IKBKB-DT: variants seen among roughly 807,000 people sequenced by gnomAD.
The protein encoded by IKBKB-DT is IKBKB divergent transcript.
intron 2 of IKBKB-DT, among the ~76,000 whole-genome samples, chr8:42,264,054 C>T (rs796509349): frequency 9.2e-5 from 14 of 151,840 alleles, no homozygotes; most frequent in African/African-American, 3.4e-4. Flanking sequence ...TCAGGTGATC[C>T]ACCTGCCTTG....
chr8:42,251,042 C>T (rs2976691), intron 3 of IKBKB-DT, among the ~76,000 whole-genome samples: 1 of 116,850 alleles, frequency 8.6e-6, no homozygotes, highest in East Asian at 1.9e-4. Flanking sequence ...GTCAGGAGCT[C>T]GAGACCAGCC....
chr8:42,245,575 G>T (rs1385917930), intron 3 of IKBKB-DT, among the ~76,000 whole-genome samples: 1 of 152,182 alleles, frequency 6.6e-6, no homozygotes, highest in Non-Finnish European at 1.5e-5. Context: ...AACACACTTG[G>T]CATGCATTTG....
At chr8:42,269,056 T>C (rs1210236337) in intron 1 of IKBKB-DT, among the ~76,000 whole-genome samples, 1 of 151,850 alleles carries the variant, frequency 6.6e-6, no homozygotes, top group African/African-American at 2.4e-5. Flanking sequence ...GGCTCACACC[T>C]GTAATCCCAG....
chr8:42,251,293 G>A (rs983575535), intron 3 of IKBKB-DT, among the ~76,000 whole-genome samples: 20 of 152,196 alleles, frequency 1.3e-4, no homozygotes, highest in Non-Finnish European at 1.8e-4. Context: ...CATTTGGGTC[G>A]TCTCTACTGC....
At chr8:42,234,684 C>T (rs1385792900) in intron 3 of IKBKB-DT, among the ~76,000 whole-genome samples, 1 of 151,970 alleles carries the variant, frequency 6.6e-6, no homozygotes, top group African/African-American at 2.4e-5. Context: ...GGCTGGAGTG[C>T]AGTGGTGCAA....
chr8:42,271,096 G>C (rs1219929953), exon 1 of IKBKB-DT: 1 of 426,550 alleles, frequency 2.3e-6, no homozygotes, highest in African/African-American at 2.1e-5. Context: ...GGGTGTAACG[G>C]GGGTCATTTC....
At chr8:42,248,888 A>T (rs1275407885) in intron 3 of IKBKB-DT, among the ~76,000 whole-genome samples, 2 of 151,200 alleles carry the variant, frequency 1.3e-5, no homozygotes, top group Middle Eastern at 3.4e-3. Context: ...AAAAAAAAAC[A>T]AATATCCCCT....
chr8:42,246,603 G>A (rs1043524292), intron 3 of IKBKB-DT, among the ~76,000 whole-genome samples: 1 of 152,198 alleles, frequency 6.6e-6, no homozygotes. Flanking sequence ...TACGATATCA[G>A]TAAACATCTA....
chr8:42,258,808 C>T (rs1021472884), intron 3 of IKBKB-DT, among the ~76,000 whole-genome samples: 1 of 151,878 alleles, frequency 6.6e-6, no homozygotes, highest in Non-Finnish European at 1.5e-5. Context: ...ATCCTATTTT[C>T]CTTGCATACA....
intron 3 of IKBKB-DT, among the ~76,000 whole-genome samples, chr8:42,237,398 C>T (rs1198000584): frequency 2.6e-5 from 4 of 152,030 alleles, no homozygotes; most frequent in African/African-American, 9.7e-5. Flanking sequence ...GTCTTATGAT[C>T]TCTATTTTAA....
rs59420104 is a variant in IKBKB-DT at position 42,251,828 on chromosome 8, C to CAAAAAAAAAA, written n.1529+11491_1529+11500dup. ...TAGGCAATAGAGCAAGACTCCATCT[C>CAAAAAAAAAA]AAAAAAAAAAAAAAAGAAAAGAAAA... is the stretch of plus-strand genomic sequence containing the variant. On this transcript the variant is annotated intron_variant and non_coding_transcript_variant, in intron 3 of 3. Transcript: ENST00000518213. Among the ~76,000 whole-genome samples the CAAAAAAAAAA allele has an allele frequency of 4.5e-3, 412 of 91,378 alleles. 17 individuals carry two copies. Among genetic ancestry groups the CAAAAAAAAAA allele is most frequent in the African/African-American group, 0.016 (399 of 25,714 alleles). 59.9% of individuals were successfully genotyped at this position (91,378 alleles called of 152,430 possible). A position where few individuals can be genotyped will look rare whatever the true frequency, so the allele number is the denominator to read the frequency against.
chr8:42,238,419 C>T (rs931233808), intron 3 of IKBKB-DT, among the ~76,000 whole-genome samples: 1 of 152,152 alleles, frequency 6.6e-6, no homozygotes, highest in Non-Finnish European at 1.5e-5. Context: ...AATAGCCCCT[C>T]CATAAAACTG....
At chr8:42,241,601 A>T (rs567539992) in intron 3 of IKBKB-DT, among the ~76,000 whole-genome samples, 1 of 152,314 alleles carries the variant, frequency 6.6e-6, no homozygotes, top group East Asian at 1.9e-4. Context: ...ACAGAGGCCA[A>T]CGCTGAGATG....
chr8:42,259,043 G>T (rs1030305682), intron 3 of IKBKB-DT, among the ~76,000 whole-genome samples: 1 of 149,232 alleles, frequency 6.7e-6, no homozygotes. Context: ...TCTTTTTTCC[G>T]AGATGGAGTT....
chr8:42,251,329 C>G (rs1177272794), intron 3 of IKBKB-DT, among the ~76,000 whole-genome samples: 2 of 152,182 alleles, frequency 1.3e-5, no homozygotes, highest in African/African-American at 4.8e-5. Context: ...TTGGCTGGAG[C>G]AGGACCTCAC....
intron 3 of IKBKB-DT, among the ~76,000 whole-genome samples, chr8:42,249,877 G>C (rs1238084890): frequency 6.6e-6 from 1 of 151,838 alleles, no homozygotes; most frequent in Non-Finnish European, 1.5e-5. Flanking sequence ...AGGAGTTCGA[G>C]ACCAGCTTGA....
intron 3 of IKBKB-DT, among the ~76,000 whole-genome samples, chr8:42,237,544 G>A (rs959731883): frequency 3.9e-5 from 6 of 152,106 alleles, no homozygotes; most frequent in Admixed American, 6.6e-5. Flanking sequence ...CAAGAGGGGG[G>A]CCCTTTCAGT....
At chr8:42,249,345 G>A (rs1024137739) in intron 3 of IKBKB-DT, 1 of 152,044 alleles carries the variant, frequency 6.6e-6, no homozygotes, top group Non-Finnish European at 1.5e-5. Flanking sequence ...CTCCAGCCTG[G>A]GCGACAGAGC....
chr8:42,238,812 C>G (rs529582242), intron 3 of IKBKB-DT, among the ~76,000 whole-genome samples: 6 of 152,236 alleles, frequency 3.9e-5, no homozygotes, highest in African/African-American at 1.4e-4. Flanking sequence ...TTTTCACACC[C>G]CTGTGATTTC....
Sources: gnomAD v4.1 joint callset for allele counts (sites outside exome capture counted in the v4.1 genomes callset) on GRCh38, gnomAD v4.1.1 for gene constraint, MANE v1.5 for transcripts, NCBI Gene and HGNC (gene_info 2026-07-23, HGNC 2026-07-21) for gene names.